The following NEUROD2 variants were observed in gnomAD, a reference collection of about 807,000 sequenced individuals.
NEUROD2 encodes the protein neurogenic differentiation factor 2.
NEUROD2 carries 5 observed loss-of-function variants against 9.3 expected under a neutral mutation model. The observed-to-expected ratio is 0.54, with a 90% CI of 0.28 to 1.13. NEUROD2 has a LOEUF of 1.13. Ranked by LOEUF, NEUROD2 falls within the 50% of genes most tolerant of loss-of-function variation. The pLI is 0.10. For missense variants in NEUROD2, 376 were observed against 549.2 expected (o/e 0.68, Z 3.15); for synonymous variants, 277 against 257.3 (o/e 1.08, Z -0.73).
Position 39,604,555 on chromosome 17 carries a change from G to C in NEUROD2, c.*896C>G. 1 of 151,660 alleles carries C rather than the reference G, an allele frequency of 6.6e-6. No individual in the cohort carries two copies. The highest frequency in any genetic ancestry group is 2.0e-4 in the East Asian group (1 of 5,120). 9.4% of individuals were successfully genotyped at this position (151,660 alleles called of 1,614,324 possible). A position where few individuals can be genotyped will look rare whatever the true frequency, so the allele number is the denominator to read the frequency against. On this transcript the variant is annotated 3_prime_UTR_variant, in exon 2 of 2. Coordinates refer to ENST00000302584, the MANE Select transcript of NEUROD2 (RefSeq NM_006160.4). ...CGGGGCGGCCCGCAGGCCGGGCGGG[G>C]CATCCCGGGGCCGGGCCGGGCCGCG...
In NEUROD2 at chr17:39,606,195, G is replaced by A; in HGVS notation, c.405C>T (p.His135=). 1.9e-6 allele frequency: 3 copies of A among 1,612,638 alleles called. No individual in the cohort carries two copies. Among genetic ancestry groups the A allele is most frequent in the Non-Finnish European group, 2.5e-6 (3 of 1,179,918 alleles). The part of the protein sequence containing the change: ...KANARERNRM[H]DLNAALDNLR... ...GGTTGTCCAGGGCTGCGTTCAGGTC[G>A]TGCATGCGGTTGCGCTCCCGCGCGT... is the stretch of plus-strand genomic sequence containing the variant. The change falls in exon 2 of 2, where the codon CAC becomes CAT. Residue 135 remains histidine, a synonymous_variant. Transcript: ENST00000302584. The surrounding 1 kb of genome is among the most constrained non-coding windows in gnomAD (Gnocchi z 7.8).
Position 39,605,991 on chromosome 17 carries a change from C to G in NEUROD2, c.609G>C (p.Leu203=), listed in dbSNP as rs368029272. The G allele has an allele frequency of 6.2e-7, 1 of 1,613,900 alleles. No homozygotes were observed. The change falls in exon 2 of 2, where the codon CTG becomes CTC. Residue 203 remains leucine, a synonymous_variant. Coordinates refer to ENST00000302584, the MANE Select transcript of NEUROD2 (RefSeq NM_006160.4). This position sits in a 1 kb window ranked among gnomAD's most constrained non-coding sequence, Gnocchi z 6.8. ...CKGLSQPTTN[L]VAGCLQLNSR... ...AGTTGAGCTGCAGACAGCCGGCCAC[C>G]AGATTGGTGGTGGGCTGCGACAGAC...
Position 39,606,901 on chromosome 17 carries a change from G to A in NEUROD2, c.-5-297C>T. The stretch of plus-strand genomic sequence containing the variant: ...CTGCTTCTTCTCAGGGTCAGGGCAG[G>A]GACCGGGTGGGGGTTTTAGGGACCA... On this transcript the variant is annotated intron_variant, in intron 1 of 1. Transcript: ENST00000302584. This position sits in a 1 kb window ranked among gnomAD's most constrained non-coding sequence, Gnocchi z 7.8. 1 of 364,460 alleles carries A rather than the reference G, an allele frequency of 2.7e-6. No individual in the cohort carries two copies. Among genetic ancestry groups the A allele is most frequent in the Admixed American group, 4.8e-5 (1 of 20,658 alleles). The allele number at this position is 364,460 out of a possible 1,614,324, so 22.6% of individuals were successfully genotyped here. A position where few individuals can be genotyped will look rare whatever the true frequency, so the allele number is the denominator to read the frequency against.
In NEUROD2 at chr17:39,605,391, G is replaced by GGGC; in HGVS notation, c.*57_*59dup. On this transcript the variant is annotated 3_prime_UTR_variant, in exon 2 of 2. Transcript: ENST00000302584. This position sits in a 1 kb window ranked among gnomAD's most constrained non-coding sequence, Gnocchi z 6.8. ...GGATGGGGGTGTCCCTGCGCTCTGG[G>GGGC]GGCTGGGGACAGGGGGGCGGGCAAA... 5.4e-6 allele frequency: 8 copies of GGGC among 1,470,474 alleles called. No homozygotes were observed. Among genetic ancestry groups the GGGC allele is most frequent in the Non-Finnish European group, 7.2e-6 (8 of 1,104,838 alleles). The allele number at this position is 1,470,474 out of a possible 1,614,324, so 91.1% of individuals were successfully genotyped here.
In NEUROD2 at chr17:39,607,758, GGA is replaced by G. The variant is rs2056776007; in HGVS notation, c.-38_-37del. On this transcript the variant is annotated 5_prime_UTR_variant, in exon 1 of 2. Transcript: ENST00000302584. ...AGAGGAGTCAAGGGGAGAGGGGAGG[GGA>G]GGGGGGGAGGGGGCAAGAGAGAGAG... The G allele has an allele frequency of 1.1e-5, 2 of 175,702 alleles. No homozygotes were observed. Among genetic ancestry groups the G allele is most frequent in the African/African-American group, 4.8e-5 (2 of 41,878 alleles). 10.9% of individuals were successfully genotyped at this position (175,702 alleles called of 1,614,324 possible).
rs2056756895 is a variant in NEUROD2, at chr17:39,604,323, C to G, written c.*1128G>C. ...TGTCTTTCATGCAAACCCTCCCTCCCCAAACCGACCCCCCAACAGTTTGCC... is the reference window on the plus strand; with the variant it reads ...TGTCTTTCATGCAAACCCTCCCTCCGCAAACCGACCCCCCAACAGTTTGCC... On this transcript the variant is annotated 3_prime_UTR_variant, in exon 2 of 2. Transcript: ENST00000302584. 2 of 152,752 alleles carry G rather than the reference C, an allele frequency of 1.3e-5. No individual in the cohort carries two copies. The highest frequency in any genetic ancestry group is 2.9e-5 in the Non-Finnish European group (2 of 68,048). The allele number at this position is 152,752 out of a possible 1,614,324, so 9.5% of individuals were successfully genotyped here. A position where few individuals can be genotyped will look rare whatever the true frequency, so the allele number is the denominator to read the frequency against.
rs1187371699 is a variant in NEUROD2 at position 39,604,706 on chromosome 17, C to A, written c.*745G>T. On this transcript the variant is annotated 3_prime_UTR_variant, in exon 2 of 2. Coordinates refer to ENST00000302584, the MANE Select transcript of NEUROD2 (RefSeq NM_006160.4). ...TTATTGCTTCTAAAAGTCCTTACTG[C>A]GTTTTCTCTCCGATCCGGACTCTGC... is the stretch of plus-strand genomic sequence containing the variant. The A allele has an allele frequency of 7.7e-6, 1 of 129,530 alleles. No homozygotes were observed. The highest frequency in any genetic ancestry group is 1.5e-5 in the Non-Finnish European group (1 of 64,726). The allele number at this position is 129,530 out of a possible 1,614,324, so 8.0% of individuals were successfully genotyped here.
In NEUROD2 at chr17:39,605,796, G is replaced by A. The variant is rs2056765494; in HGVS notation, c.804C>T (p.His268=). The A allele has an allele frequency of 4.3e-6, 6 of 1,398,316 alleles. No homozygotes were observed. Among genetic ancestry groups the A allele is most frequent in the Non-Finnish European group, 4.6e-6 (5 of 1,082,162 alleles). The allele number at this position is 1,398,316 out of a possible 1,614,324, so 86.6% of individuals were successfully genotyped here. Reference sequence around the variant, plus strand: ...GCGTCTCGTAGGCGGCGCAGTAGCCGTGGGTCCGCAGGGCGTGCGCCGCGC... The same window carrying A: ...GCGTCTCGTAGGCGGCGCAGTAGCCATGGGTCCGCAGGGCGTGCGCCGCGC... ...GGGAAHALRT[H]GYCAAYETLY... Residue 268 remains histidine, a synonymous_variant, in exon 2 of 2, where the codon CAC becomes CAT. Transcript: ENST00000302584. The surrounding 1 kb of genome is among the most constrained non-coding windows in gnomAD (Gnocchi z 6.8).
chr17:39,606,507 G>A lies in NEUROD2; in HGVS notation c.93C>T (p.Ser31=), dbSNP rs766119902. The A allele has an allele frequency of 1.3e-6, 2 of 1,557,260 alleles. No homozygotes were observed. The highest frequency in any genetic ancestry group is 1.7e-6 in the Non-Finnish European group (2 of 1,159,942). Residue 31 remains serine, a synonymous_variant, in exon 2 of 2, where the codon AGC becomes AGT. Coordinates refer to ENST00000302584, the MANE Select transcript of NEUROD2 (RefSeq NM_006160.4). This position sits in a 1 kb window ranked among gnomAD's most constrained non-coding sequence, Gnocchi z 7.8. ...GCGGTGGCGGCGCGTCGCCCTTGTCGCTCCTCGGCTCGTCGTCTTCGCCGT... is the reference window on the plus strand; with the variant it reads ...GCGGTGGCGGCGCGTCGCCCTTGTCACTCCTCGGCTCGTCGTCTTCGCCGT... ...WGDGEDDEPR[S]DKGDAPPPPP...
rs1325218267 is a variant in NEUROD2, at chr17:39,606,942, G to C, written c.-5-338C>G. ...TTAGGGACCAGATATCTTTGCCAGG[G>C]GAGGCGGCGCGCTCGCCCTGAAAGC... On this transcript the variant is annotated intron_variant, in intron 1 of 1. Transcript: ENST00000302584. The surrounding 1 kb of genome is among the most constrained non-coding windows in gnomAD (Gnocchi z 7.8). 4.5e-6 allele frequency: 1 copy of C among 222,708 alleles called. No individual in the cohort carries two copies. The highest frequency in any genetic ancestry group is 1.5e-4 in the South Asian group (1 of 6,880). 13.8% of individuals were successfully genotyped at this position (222,708 alleles called of 1,614,324 possible).
rs2056762652 is a variant in NEUROD2, at chr17:39,605,289, CCA to C, written c.*160_*161del. ...AAGCGAGGCCCCTGGGACAGGCCACCCACAGGTAACAGGACTGCGCTGCCCCA... is the reference window on the plus strand; with the variant it reads ...AAGCGAGGCCCCTGGGACAGGCCACCCAGGTAACAGGACTGCGCTGCCCCA... On this transcript the variant is annotated 3_prime_UTR_variant, in exon 2 of 2. Coordinates refer to ENST00000302584, the MANE Select transcript of NEUROD2 (RefSeq NM_006160.4). This position sits in a 1 kb window ranked among gnomAD's most constrained non-coding sequence, Gnocchi z 6.8. 1 of 944,672 alleles carries C rather than the reference CCA, an allele frequency of 1.1e-6. No homozygotes were observed. Among genetic ancestry groups the C allele is most frequent in the South Asian group, 1.9e-5 (1 of 53,648 alleles). The allele number at this position is 944,672 out of a possible 1,614,324, so 58.5% of individuals were successfully genotyped here. A position where few individuals can be genotyped will look rare whatever the true frequency, so the allele number is the denominator to read the frequency against.
rs1356162207 is a variant in NEUROD2, at chr17:39,605,404, G to T, written c.*47C>A. 26 of 1,486,224 alleles carry T rather than the reference G, an allele frequency of 1.7e-5. No homozygotes were observed. Among genetic ancestry groups the T allele is most frequent in the Non-Finnish European group, 2.3e-5 (26 of 1,111,166 alleles). The allele number at this position is 1,486,224 out of a possible 1,614,324, so 92.1% of individuals were successfully genotyped here. ...CCTGCGCTCTGGGGGCTGGGGACAG[G>T]GGGGCGGGCAAAGGCAAAAGAAAAA... is the stretch of plus-strand genomic sequence containing the variant. On this transcript the variant is annotated 3_prime_UTR_variant, in exon 2 of 2. Coordinates refer to ENST00000302584, the MANE Select transcript of NEUROD2 (RefSeq NM_006160.4). The surrounding 1 kb of genome is among the most constrained non-coding windows in gnomAD (Gnocchi z 6.8).
Position 39,605,480 on chromosome 17 carries a change from C to G in NEUROD2, c.1120G>C (p.Glu374Gln), listed in dbSNP as rs766977904. ...HLHHDRGPMY[E>Q]ELNAFFHN ...TTATGAAAAAACGCATTGAGCTCCT[C>G]GTACATGGGGCCCCGGTCGTGGTGA... Residue 374 changes from glutamate to glutamine, a missense_variant, in exon 2 of 2, where the codon GAG becomes CAG. Physicochemically the swap from Glu to Gln is conservative, Grantham distance 29. Around this residue, in one of 3 missense-constraint regions of NEUROD2, gnomAD observed 193 missense variants for 255.8 expected, o/e 0.75. Transcript: ENST00000302584. The surrounding 1 kb of genome is among the most constrained non-coding windows in gnomAD (Gnocchi z 6.8). 2.5e-6 allele frequency: 4 copies of G among 1,602,374 alleles called. No individual in the cohort carries two copies. The highest frequency in any genetic ancestry group is 3.4e-6 in the Non-Finnish European group (4 of 1,173,872).
chr17:39,606,601 G>A lies in NEUROD2; in HGVS notation c.-2C>T, dbSNP rs762915547. On this transcript the variant is annotated 5_prime_UTR_variant, in exon 2 of 2. Coordinates refer to ENST00000302584, the MANE Select transcript of NEUROD2 (RefSeq NM_006160.4). The surrounding 1 kb of genome is among the most constrained non-coding windows in gnomAD (Gnocchi z 7.8). ...CTCGCTGAACAGGCGGGTCAGCATG[G>A]TGCCTGAGGGCGCCCCGCGGGCGGG... 2.6e-5 allele frequency: 41 copies of A among 1,550,658 alleles called. 2 individuals are homozygous for A. In the South Asian group the frequency reaches 4.7e-4, roughly 18 times the overall value.
chr17:39,606,500 C>T lies in NEUROD2; in HGVS notation c.100G>A (p.Gly34Ser). 1.9e-6 allele frequency: 3 copies of T among 1,553,592 alleles called. No homozygotes were observed. Among genetic ancestry groups the T allele is most frequent in the African/African-American group, 1.4e-5 (1 of 73,020 alleles). ...GEDDEPRSDK[G>S]DAPPPPPPAP... ...GGCGGTGGCGGTGGCGGCGCGTCGC[C>T]CTTGTCGCTCCTCGGCTCGTCGTCT... The change falls in exon 2 of 2, where the codon GGC becomes AGC. Residue 34 changes from glycine to serine, a missense_variant. By Grantham distance (56) the Gly-to-Ser change is moderately conservative. This residue lies in a region of NEUROD2 where 134 missense variants were observed against 133.6 expected (regional missense o/e 1.00). Transcript: ENST00000302584. The surrounding 1 kb of genome is among the most constrained non-coding windows in gnomAD (Gnocchi z 7.8).
At position 39,605,516 on chromosome 17, in the gene NEUROD2, C is replaced by G; in HGVS notation, c.1084G>C (p.Asp362His). The G allele has an allele frequency of 6.2e-7, 1 of 1,613,110 alleles. No homozygotes were observed. Among genetic ancestry groups the G allele is most frequent in the Non-Finnish European group, 8.5e-7 (1 of 1,179,602 alleles). ...GVHSENLLSY[D>H]MHLHHDRGPM... ...CCCCGGTCGTGGTGAAGGTGCATAT[C>G]GTAAGACAAGAGATTCTCCGAGTGG... Residue 362 changes from aspartate to histidine, a missense_variant, in exon 2 of 2, where the codon GAT becomes CAT. Asp to His is a moderately conservative substitution (Grantham distance 81). Coordinates refer to ENST00000302584, the MANE Select transcript of NEUROD2 (RefSeq NM_006160.4). This position sits in a 1 kb window ranked among gnomAD's most constrained non-coding sequence, Gnocchi z 6.8.
At chr17:39,607,663 G>T in intron 1 of NEUROD2, 65 bp downstream of exon 1, 1 of 985,152 alleles carries the variant, frequency 1.0e-6, no homozygotes, top group East Asian at 1.1e-4. Flanking sequence ...CCCTCCTGTC[G>T]GCCGAAGCTG....
In NEUROD2 at chr17:39,605,408, G is replaced by A. The variant is rs114472862; in HGVS notation, c.*43C>T. 2,256 of 1,488,514 alleles carry A rather than the reference G, an allele frequency of 1.5e-3. 28 individuals are homozygous for A. In the African/African-American group the frequency reaches 0.028, roughly 18 times the overall value. 92.2% of individuals were successfully genotyped at this position (1,488,514 alleles called of 1,614,324 possible). ...CGCTCTGGGGGCTGGGGACAGGGGG[G>A]CGGGCAAAGGCAAAAGAAAAAGAAG... On this transcript the variant is annotated 3_prime_UTR_variant, in exon 2 of 2. Transcript: ENST00000302584. The surrounding 1 kb of genome is among the most constrained non-coding windows in gnomAD (Gnocchi z 6.8).
Position 39,604,755 on chromosome 17 carries a change from C to CAT in NEUROD2, c.*695_*696insAT, listed in dbSNP as rs2056759586. 2.4e-3 allele frequency: 53 copies of CAT among 22,316 alleles called. 1 individual carries two copies. The highest frequency in any genetic ancestry group is 3.5e-3 in the Admixed American group (4 of 1,130). The allele number at this position is 22,316 out of a possible 1,614,324, so 1.4% of individuals were successfully genotyped here. ...GCGTTCGGCTTCCGTCGCCTCTTAG[C>CAT]TTTTTTTTTTTTTTTTTTTTTTTTT... On this transcript the variant is annotated 3_prime_UTR_variant, in exon 2 of 2. Transcript: ENST00000302584.
Sources: gnomAD v4.1 joint callset for allele counts on GRCh38, gnomAD v4.1.1 for gene constraint, gnomAD v4.1.1 regional missense constraint, Gnocchi (gnomAD v3.1) non-coding constraint, MANE v1.5 for transcripts, NCBI Gene and HGNC (gene_info 2026-07-23, HGNC 2026-07-21) for gene names.